The following FHIT variants were observed in gnomAD, a reference collection of about 807,000 sequenced individuals.
FHIT encodes bis(5'-adenosyl)-triphosphatase.
Under a neutral mutation model 17.9 loss-of-function variants are expected in FHIT, and 19 were observed. The ratio of observed to expected loss-of-function variants is 1.06; its 90% CI spans 0.74 to 1.56. FHIT has a LOEUF of 1.56. Ranked by LOEUF, FHIT falls within the 40% of genes most tolerant of loss-of-function variation. The pLI, the probability that FHIT is intolerant of heterozygous loss-of-function variation, is 0.00. For missense variants in FHIT, 248 were observed against 189.2 expected (o/e 1.31, Z -1.82); for synonymous variants, 81 against 69.7 (o/e 1.16, Z -0.81).
intron 2 of FHIT, among the ~76,000 whole-genome samples, chr3:61,159,828 T>G: frequency 6.6e-6 from 1 of 152,196 alleles, no homozygotes; most frequent in East Asian, 1.9e-4. Flanking sequence ...TCTATAGAAT[T>G]CCTTTTCTTA....
chr3:60,892,031 C>T (rs1300384045), intron 3 of FHIT, among the ~76,000 whole-genome samples: 3 of 152,020 alleles, frequency 2.0e-5, no homozygotes, highest in African/African-American at 7.3e-5. Flanking sequence ...CTTATGGCTC[C>T]CCAATGTCAG....
At chr3:59,906,039 A>T (rs1260768825) in intron 8 of FHIT, among the ~76,000 whole-genome samples, 1 of 152,192 alleles carries the variant, frequency 6.6e-6, no homozygotes, top group Admixed American at 6.5e-5. Context: ...ATGTTCAATT[A>T]TTGGCTCCCT....
intron 5 of FHIT, among the ~76,000 whole-genome samples, chr3:60,487,668 T>C (rs1421466799): frequency 6.6e-6 from 1 of 152,212 alleles, no homozygotes; most frequent in Non-Finnish European, 1.5e-5. Context: ...TATCTCAAAG[T>C]TGCTAACGCA....
chr3:60,072,464 T>C (rs922588185), intron 5 of FHIT, among the ~76,000 whole-genome samples: 3 of 151,994 alleles, frequency 2.0e-5, no homozygotes, highest in African/African-American at 7.3e-5. Context: ...CAACAAAACA[T>C]CACCAACAAC....
intron 2 of FHIT, among the ~76,000 whole-genome samples, chr3:61,142,651 GA>G (rs1307741219): frequency 6.6e-6 from 1 of 151,834 alleles, no homozygotes; most frequent in Admixed American, 6.6e-5. Flanking sequence ...CATAGAAAAA[GA>G]AAAAATAATT....
At chr3:60,178,628 A>G (rs1428456054) in intron 5 of FHIT, among the ~76,000 whole-genome samples, 1 of 152,110 alleles carries the variant, frequency 6.6e-6, no homozygotes, top group Non-Finnish European at 1.5e-5. Flanking sequence ...AGATATGTCA[A>G]GTCAGATTCA....
At chr3:59,765,108 A>T (rs1701730574) in intron 8 of FHIT, among the ~76,000 whole-genome samples, 1 of 152,210 alleles carries the variant, frequency 6.6e-6, no homozygotes, top group Non-Finnish European at 1.5e-5. Flanking sequence ...ACAAAGCTGA[A>T]ATATTATAGA....
intron 5 of FHIT, among the ~76,000 whole-genome samples, chr3:60,120,410 T>C (rs1284935898): frequency 6.6e-6 from 1 of 152,244 alleles, no homozygotes. Context: ...CATAGTCCCA[T>C]GCAGGGCACC....
At chr3:60,039,390 T>G (rs566855389) in intron 5 of FHIT, among the ~76,000 whole-genome samples, 2 of 152,210 alleles carry the variant, frequency 1.3e-5, no homozygotes, top group Admixed American at 6.5e-5. Flanking sequence ...TAACCAAACA[T>G]AAAAAGTTTA....
intron 4 of FHIT, among the ~76,000 whole-genome samples, chr3:60,714,202 A>G (rs2041618392): frequency 6.6e-6 from 1 of 152,224 alleles, no homozygotes; most frequent in Admixed American, 6.5e-5. Context: ...ATCTCAATAG[A>G]TGCAGAAAAG....
chr3:60,333,768 T>C (rs1710105043), intron 5 of FHIT, among the ~76,000 whole-genome samples: 1 of 152,154 alleles, frequency 6.6e-6, no homozygotes, highest in African/African-American at 2.4e-5. Context: ...ATGTTTGTCT[T>C]TTCTGAGTTC....
intron 4 of FHIT, among the ~76,000 whole-genome samples, chr3:60,779,627 A>G (rs1467974438): frequency 6.6e-6 from 1 of 152,172 alleles, no homozygotes. Context: ...ACTGGGTTCC[A>G]CAGCTTCACT....
chr3:61,010,611 A>G (rs1036061861), intron 3 of FHIT, among the ~76,000 whole-genome samples: 1 of 152,216 alleles, frequency 6.6e-6, no homozygotes, highest in African/African-American at 2.4e-5. Flanking sequence ...ATGGCCAAGG[A>G]AGATACTGTG....
At chr3:61,186,719 T>C (rs758320484) in intron 2 of FHIT, among the ~76,000 whole-genome samples, 1 of 152,236 alleles carries the variant, frequency 6.6e-6, no homozygotes, top group African/African-American at 2.4e-5. Context: ...AGCTATCCTG[T>C]GGCCTTGTAG....
At chr3:59,892,238 C>T (rs1703884338) in intron 8 of FHIT, among the ~76,000 whole-genome samples, 1 of 152,182 alleles carries the variant, frequency 6.6e-6, no homozygotes, top group African/African-American at 2.4e-5. Context: ...ACAAAGCGAG[C>T]TTTGAACCTC....
intron 5 of FHIT, among the ~76,000 whole-genome samples, chr3:60,457,587 C>T (rs370476253): frequency 8.5e-5 from 13 of 152,132 alleles, no homozygotes; most frequent in East Asian, 7.7e-4. Flanking sequence ...AAATGGGATC[C>T]AATTAAACTA....
At chr3:60,507,212 A>AG (rs1209776722) in intron 5 of FHIT, among the ~76,000 whole-genome samples, 11 of 152,306 alleles carry the variant, frequency 7.2e-5, no homozygotes, top group African/African-American at 2.6e-4. Context: ...AATGAACAGG[A>AG]GTTAGCAAGG....
At chr3:60,118,862 C>CA (rs368114180) in intron 5 of FHIT, among the ~76,000 whole-genome samples, 1,465 of 136,580 alleles carry the variant, frequency 0.011, 18 homozygotes, top group African/African-American at 0.033. Flanking sequence ...ACTGATAATA[C>CA]AAAAAAAAAA....
chr3:61,067,621 A>G (rs546180879), intron 2 of FHIT, among the ~76,000 whole-genome samples: 24 of 152,280 alleles, frequency 1.6e-4, no homozygotes, highest in African/African-American at 5.5e-4. Flanking sequence ...AACATAGCCC[A>G]GGGCTTCAGG....
Sources: gnomAD v4.1 joint callset for allele counts (sites outside exome capture counted in the v4.1 genomes callset) on GRCh38, gnomAD v4.1.1 for gene constraint, MANE v1.5 for transcripts, NCBI Gene and HGNC (gene_info 2026-07-23, HGNC 2026-07-21) for gene names.